FIRRM: variants seen among roughly 807,000 people sequenced by gnomAD.
The protein encoded by FIRRM is FIGNL1 interacting regulator of recombination and mitosis, also known as FIGNL1-interacting regulator of recombination and mitosis.
chr1:169,830,668 CAT>C, the FIRRM span: 2 of 1,602,238 alleles, frequency 1.2e-6, no homozygotes, highest in African/African-American at 2.7e-5. Flanking sequence ...ATTGTATAAA[CAT>C]AGTTGTCTTC....
At chr1:169,843,551 G>A in the FIRRM span, 4 of 626,182 alleles carry the variant, frequency 6.4e-6, no homozygotes, top group Non-Finnish European at 1.1e-5. Context: ...AGGCATAAAT[G>A]AGGTAATAAA....
the FIRRM span, chr1:169,853,923 A>G: frequency 2.4e-6 from 2 of 816,960 alleles, no homozygotes; most frequent in Non-Finnish European, 3.8e-6. Flanking sequence ...GCTCTAACAG[A>G]AAGTTGAAAA....
chr1:169,797,000 C>T, the FIRRM span, among the ~76,000 whole-genome samples: 1 of 152,190 alleles, frequency 6.6e-6, no homozygotes, highest in Non-Finnish European at 1.5e-5. Flanking sequence ...TTCTAAAAAG[C>T]ACATTACCAT....
chr1:169,839,236 G>A, the FIRRM span, among the ~76,000 whole-genome samples: 7 of 152,164 alleles, frequency 4.6e-5, no homozygotes, highest in Non-Finnish European at 1.0e-4. Context: ...GAACATGTGA[G>A]TACATGTGTC....
the FIRRM span, chr1:169,836,894 T>C: frequency 7.7e-6 from 12 of 1,554,294 alleles, no homozygotes; most frequent in Non-Finnish European, 9.6e-6. Context: ...ACTTGTCTCA[T>C]GTTACTCTTC....
At chr1:169,820,777 A>C in the FIRRM span, among the ~76,000 whole-genome samples, 1 of 152,180 alleles carries the variant, frequency 6.6e-6, no homozygotes, top group Non-Finnish European at 1.5e-5. Context: ...AGGTTTCCTC[A>C]GTATTGTCCC....
the FIRRM span, among the ~76,000 whole-genome samples, chr1:169,808,403 TAG>T: frequency 6.6e-6 from 1 of 152,172 alleles, no homozygotes; most frequent in Non-Finnish European, 1.5e-5. Flanking sequence ...TTTGAAAAGT[TAG>T]AGTGTTGAAT....
At chr1:169,812,336 A>G in the FIRRM span, among the ~76,000 whole-genome samples, 1 of 152,226 alleles carries the variant, frequency 6.6e-6, no homozygotes, top group Non-Finnish European at 1.5e-5. Context: ...AACAACTTAG[A>G]GTCTAGCCTG....
chr1:169,802,781 T>A, the FIRRM span: 35 of 991,706 alleles, frequency 3.5e-5, no homozygotes, highest in South Asian at 2.2e-4. Context: ...AATGTCAAAA[T>A]TTTTATACTG....
At chr1:169,830,179 T>C in the FIRRM span, 1 of 1,242,992 alleles carries the variant, frequency 8.0e-7, no homozygotes, top group African/African-American at 1.5e-5. Flanking sequence ...TGCTTTCTTG[T>C]TTTATTTTGA....
chr1:169,804,049 T>A, the FIRRM span: 3 of 1,396,374 alleles, frequency 2.1e-6, no homozygotes, highest in African/African-American at 1.5e-5. Flanking sequence ...TTGTTTTTTC[T>A]CTCATTTTTA....
chr1:169,805,942 T>C, the FIRRM span: 1 of 901,960 alleles, frequency 1.1e-6, no homozygotes, highest in Non-Finnish European at 1.8e-6. Context: ...GTTTTAATTA[T>C]AGGAGAAACT....
the FIRRM span, chr1:169,792,743 C>T: frequency 1.1e-3 from 1,726 of 1,613,774 alleles, 13 homozygotes; most frequent in African/African-American, 0.014. Flanking sequence ...CAAAAGTACA[C>T]GTCCATTTTT....
At chr1:169,793,717 T>C in the FIRRM span, 4 of 1,536,394 alleles carry the variant, frequency 2.6e-6, no homozygotes, top group Non-Finnish European at 3.5e-6. Flanking sequence ...ATGCACACAA[T>C]CTTTAAATTC....
At chr1:169,810,834 A>ATTTTT in the FIRRM span, among the ~76,000 whole-genome samples, 134 of 61,204 alleles carry the variant, frequency 2.2e-3, 30 homozygotes, top group East Asian at 0.02. Flanking sequence ...TTAGCCCCCA[A>ATTTTT]TTTTTTTTTT....
At chr1:169,795,223 C>T in the FIRRM span, 3 of 1,535,252 alleles carry the variant, frequency 2.0e-6, no homozygotes, top group South Asian at 1.2e-5. Flanking sequence ...CATATCCTTC[C>T]TTGGTTGTCA....
At chr1:169,832,314 C>A in the FIRRM span, 1 of 707,636 alleles carries the variant, frequency 1.4e-6, no homozygotes, top group East Asian at 2.6e-5. Flanking sequence ...CAATCTTTTC[C>A]CCTAGAAAGA....
the FIRRM span, chr1:169,850,428 G>A: frequency 4.4e-6 from 4 of 902,932 alleles, no homozygotes; most frequent in Non-Finnish European, 7.0e-6. Flanking sequence ...CAACCTGAGT[G>A]TCTTCTTAGC....
At chr1:169,846,198 G>C in the FIRRM span, among the ~76,000 whole-genome samples, 6 of 152,168 alleles carry the variant, frequency 3.9e-5, no homozygotes, top group Non-Finnish European at 5.9e-5. Context: ...CCTCTCAATA[G>C]TGGGCCAAAA....
Sources: allele counts gnomAD v4.1 joint callset (sites outside exome capture counted in the v4.1 genomes callset), GRCh38; gene constraint gnomAD v4.1.1; transcripts MANE v1.5; gene names NCBI Gene and HGNC (gene_info 2026-07-23, HGNC 2026-07-21).